CFAP46: variants seen among roughly 807,000 people sequenced by gnomAD.
The protein encoded by CFAP46 is cilia- and flagella-associated protein 46.
In CFAP46, 245 loss-of-function variants were observed where a neutral mutation model predicts 325.7. That is an observed-to-expected ratio of 0.75 (90% confidence interval 0.68 to 0.84). The LOEUF is 0.84. CFAP46 is among the 40% of genes least tolerant of loss of function. CFAP46 has a pLI of 0.00. For missense variants in CFAP46, 3,346 were observed against 3,543.0 expected, an observed-to-expected ratio of 0.94 and a Z score of 1.41; for synonymous variants, 1,523 against 1,495.9, an observed-to-expected ratio of 1.02 and a Z score of -0.42.
At chr10:132,878,128 A>C (rs948813113) in intron 29 of CFAP46, 41 bp from the exon 30 acceptor site, 1 of 1,536,364 alleles carries the variant, frequency 6.5e-7, no homozygotes, top group Non-Finnish European at 8.8e-7. Flanking sequence ...CTGAAAACCC[A>C]CCCACCGCCC....
intron 50 of CFAP46, among the ~76,000 whole-genome samples, chr10:132,831,852 TTTCATC>T (rs1308196039): frequency 5.3e-5 from 8 of 152,218 alleles, no homozygotes. Flanking sequence ...TATGATTCCA[TTTCATC>T]TTCTTCGTTA....
intron 50 of CFAP46, among the ~76,000 whole-genome samples, chr10:132,824,615 CGCTGATGTGTGCTGTGTGCTGATGTGT>C (rs1847994843): frequency 7.7e-5 from 5 of 65,060 alleles, no homozygotes; most frequent in Non-Finnish European, 1.4e-4. Context: ...GTGCTGTGTG[CGCTGATGTGTGCTGTGTGCTGATGTGT>C]GCTGATGTGT....
chr10:132,860,312 G>T (rs1591059136), intron 37 of CFAP46, 105 bp downstream of exon 37: 1 of 758,016 alleles, frequency 1.3e-6, no homozygotes, highest in Non-Finnish European at 2.2e-6. Flanking sequence ...CATGACGTGG[G>T]TCTCTGAACT....
chr10:132,854,429 C>G (rs977939741), intron 39 of CFAP46, among the ~76,000 whole-genome samples: 15 of 152,172 alleles, frequency 9.9e-5, no homozygotes, highest in African/African-American at 2.7e-4. Flanking sequence ...CTCTTCCCCC[C>G]CAGGTTCACG....
At chr10:132,835,575 C>T (rs918857045) in intron 46 of CFAP46, 141 bp from the exon 47 acceptor site, 1 of 1,064,346 alleles carries the variant, frequency 9.4e-7, no homozygotes. Context: ...CATGTGGGGT[C>T]CCCCTGGTCC....
chr10:132,919,331 CTT>C lies in CFAP46; in HGVS notation c.1840_1841del (p.Lys614ValfsTer12). The C allele has an allele frequency of 6.5e-7, 1 of 1,550,106 alleles. No homozygotes were observed. The highest frequency in any genetic ancestry group is 8.7e-7 in the Non-Finnish European group (1 of 1,146,804). ...CLLYDNVKVK[K>X]LRLRRGKKKR... ...GGTACGAACCTCGCCGCAGCCTCAA[CTT>C]CTTCACCTTGACGTTGTCATACAGG... On this transcript the variant is annotated frameshift_variant, in exon 15 of 58. Coordinates refer to ENST00000368586, the MANE Select transcript of CFAP46 (RefSeq NM_001200049.3). LOFTEE classifies it high-confidence loss of function. The surrounding 1 kb of genome is among the most constrained non-coding windows in gnomAD (Gnocchi z 9.7).
intron 22 of CFAP46, among the ~76,000 whole-genome samples, chr10:132,906,541 G>A (rs1482770817): frequency 2.8e-5 from 3 of 106,794 alleles, no homozygotes; most frequent in African/African-American, 1.1e-4. Context: ...AAGAGTGAAC[G>A]GGGTCCTGGA....
At position 132,812,800 on chromosome 10, in the gene CFAP46, C is replaced by T. The variant is rs376500318; in HGVS notation, c.7486G>A (p.Ala2496Thr). ...LSHILVERLV[A>T]MNLQECQVAV... is the part of the protein sequence containing the mutation. ...CACCTCTCACCTTGCAAGTTCATGG[C>T]GACCAATCTCTCCACTAATATATGG... Residue 2496 changes from alanine to threonine, a missense_variant, in exon 55 of 58, where the codon GCC becomes ACC. By Grantham distance (58) the Ala-to-Thr change is moderately conservative. Transcript: ENST00000368586. 3.1e-5 allele frequency: 50 copies of T among 1,611,876 alleles called. No homozygotes were observed. In the East Asian group the frequency reaches 3.1e-4, roughly 10 times the overall value.
chr10:132,900,596 C>T (rs7913509), intron 22 of CFAP46, among the ~76,000 whole-genome samples: 37 of 152,264 alleles, frequency 2.4e-4, no homozygotes, highest in Non-Finnish European at 4.3e-4. Flanking sequence ...AGGAGGAAGG[C>T]GCTGCCCCTT....
At chr10:132,906,708 G>A (rs1249810777) in intron 22 of CFAP46, among the ~76,000 whole-genome samples, 12 of 69,116 alleles carry the variant, frequency 1.7e-4, no homozygotes, top group Admixed American at 3.1e-4. Context: ...GTGATGCCCC[G>A]TCCTGGGCAC....
At chr10:132,862,805 G>A (rs948438441) in intron 35 of CFAP46, among the ~76,000 whole-genome samples, 2 of 151,618 alleles carry the variant, frequency 1.3e-5, no homozygotes, top group Non-Finnish European at 2.9e-5. Context: ...AGAGGCTGGA[G>A]GGGGACGGGG....
Position 132,939,502 on chromosome 10 carries a change from T to C in CFAP46, c.372-749A>G, listed in dbSNP as rs533180190. The stretch of plus-strand genomic sequence containing the variant: ...TGCCATGTAGGGCCTGTGTGCCTTG[T>C]GGTCCTGGGCCGGCCACCAGGTGGA... On this transcript the variant is annotated intron_variant, in intron 4 of 57. Transcript: ENST00000368586. The surrounding 1 kb of genome is among the most constrained non-coding windows in gnomAD (Gnocchi z 4.6). Among the ~76,000 whole-genome samples the C allele has an allele frequency of 1.4e-4, 21 of 152,268 alleles. No homozygotes were observed. Among genetic ancestry groups the C allele is most frequent in the African/African-American group, 4.8e-4 (20 of 41,566 alleles).
intron 31 of CFAP46, among the ~76,000 whole-genome samples, chr10:132,873,634 C>A (rs1848924730): frequency 6.6e-6 from 1 of 152,062 alleles, no homozygotes; most frequent in South Asian, 2.1e-4. Context: ...AGGCTGGGTT[C>A]TTGAAGGGCT....
rs957235093 is a variant in CFAP46, at chr10:132,879,830, C to G, written c.3800-199G>C. 9.2e-5 allele frequency among the ~76,000 whole-genome samples: 14 copies of G among 152,274 alleles called. No individual in the cohort carries two copies. In the South Asian group the frequency reaches 2.9e-3, roughly 32 times the overall value. On this transcript the variant is annotated intron_variant, in intron 28 of 57. Coordinates refer to ENST00000368586, the MANE Select transcript of CFAP46 (RefSeq NM_001200049.3). Reference sequence around the variant, plus strand: ...TCTGCGAAGGCTGAGCTTGGCTGCCCCCTCACCCCCAGGGGCAGTTCCAGT... The same window carrying G: ...TCTGCGAAGGCTGAGCTTGGCTGCCGCCTCACCCCCAGGGGCAGTTCCAGT...
At chr10:132,851,018 G>C in intron 40 of CFAP46, 99 bp downstream of exon 40, 1 of 1,436,732 alleles carries the variant, frequency 7.0e-7, no homozygotes, top group Non-Finnish European at 9.7e-7. Context: ...ACCGCCAGGT[G>C]CACAGTGGTG....
intron 50 of CFAP46, among the ~76,000 whole-genome samples, chr10:132,829,564 G>A (rs868622687): frequency 2.0e-4 from 30 of 152,292 alleles, no homozygotes; most frequent in Non-Finnish European, 2.8e-4. Context: ...GATCTCCAGC[G>A]TGGTGCTGAC....
intron 29 of CFAP46, 93 bp downstream of exon 29, chr10:132,879,333 C>CT (rs1591068121): frequency 2.4e-6 from 3 of 1,241,856 alleles, no homozygotes; most frequent in East Asian, 5.3e-5. Context: ...GGGAAAGACT[C>CT]TGACATCTTT....
At chr10:132,809,494 A>G (rs958464969) in intron 57 of CFAP46, among the ~76,000 whole-genome samples, 1 of 151,682 alleles carries the variant, frequency 6.6e-6, no homozygotes, top group Non-Finnish European at 1.5e-5. Flanking sequence ...CTCTCCCCCA[A>G]CAAGCAGGGA....
intron 35 of CFAP46, among the ~76,000 whole-genome samples, chr10:132,862,593 G>A (rs778834327): frequency 2.0e-4 from 31 of 152,138 alleles, no homozygotes; most frequent in Non-Finnish European, 3.2e-4. Context: ...CTCTGAGGTC[G>A]GCGGGGGTCT....
Sources: allele counts gnomAD v4.1 joint callset (sites outside exome capture counted in the v4.1 genomes callset), GRCh38; gene constraint gnomAD v4.1.1; non-coding constraint Gnocchi (gnomAD v3.1); transcripts MANE v1.5; gene names NCBI Gene and HGNC (gene_info 2026-07-23, HGNC 2026-07-21).